Variants in RAPGEF1 observed in about 807,000 individuals in gnomAD.
RAPGEF1 encodes the protein Rap guanine nucleotide exchange factor 1.
A neutral mutation model predicts 143.3 loss-of-function variants in RAPGEF1; 33 were observed. The observed-to-expected ratio is 0.23, with a 90% CI of 0.17 to 0.31. The LOEUF is 0.31. RAPGEF1 is among the 10% of genes least tolerant of loss of function. The pLI is 1.00. For synonymous variants in RAPGEF1, 629 were observed against 676.5 expected, an observed-to-expected ratio of 0.93 and a Z score of 1.09; for missense variants, 1,199 against 1,645.4, an observed-to-expected ratio of 0.73 and a Z score of 4.69.
At chr9:131,602,242 G>A (rs1956396620) in intron 14 of RAPGEF1, 93 bp from the exon 15 acceptor site, 1 of 865,084 alleles carries the variant, frequency 1.2e-6, no homozygotes, top group South Asian at 1.6e-5. Context: ...TGGCTGTGGA[G>A]TGCAAGTTCC....
chr9:131,718,037 A>G (rs1292940036), intron 1 of RAPGEF1, among the ~76,000 whole-genome samples: 3 of 152,196 alleles, frequency 2.0e-5, no homozygotes, highest in African/African-American at 7.2e-5. Flanking sequence ...TGAGAAACTG[A>G]TTTTTAAAAG....
chr9:131,688,421 T>C (rs1833525178), intron 1 of RAPGEF1, among the ~76,000 whole-genome samples: 1 of 152,176 alleles, frequency 6.6e-6, no homozygotes, highest in Admixed American at 6.5e-5. Flanking sequence ...AACTACCCAT[T>C]AACATAAGCC....
intron 4 of RAPGEF1, among the ~76,000 whole-genome samples, chr9:131,639,437 A>AGTGTGTGTGTGTGTGTGTGTGT (rs3837234): frequency 6.0e-5 from 9 of 149,190 alleles, no homozygotes; most frequent in East Asian, 2.0e-4. Flanking sequence ...AACGCAGGTG[A>AGTGTGTGTGTGTGTGTGTGTGT]GTGTGTGTGT....
intron 3 of RAPGEF1, among the ~76,000 whole-genome samples, chr9:131,645,576 C>T (rs1969347357): frequency 6.6e-6 from 1 of 152,240 alleles, no homozygotes; most frequent in African/African-American, 2.4e-5. Flanking sequence ...GAATTAATGG[C>T]CTCTGGGTGT....
At chr9:131,632,699 C>T (rs1265000770) in intron 5 of RAPGEF1, among the ~76,000 whole-genome samples, 1 of 152,150 alleles carries the variant, frequency 6.6e-6, no homozygotes, top group Non-Finnish European at 1.5e-5. Context: ...TGGAAAGATG[C>T]TGTAATACAC....
At chr9:131,678,463 A>G (rs1832624274) in intron 1 of RAPGEF1, among the ~76,000 whole-genome samples, 1 of 152,260 alleles carries the variant, frequency 6.6e-6, no homozygotes, top group Non-Finnish European at 1.5e-5. Context: ...CAATAGTCTG[A>G]TAACTTTATA....
At chr9:131,705,272 G>A (rs1205501248) in intron 1 of RAPGEF1, among the ~76,000 whole-genome samples, 1 of 152,180 alleles carries the variant, frequency 6.6e-6, no homozygotes, top group Non-Finnish European at 1.5e-5. Context: ...GAGGGCACAT[G>A]TGCCAGGCAC....
chr9:131,735,517 T>C (rs1027590709), intron 1 of RAPGEF1, among the ~76,000 whole-genome samples: 5 of 152,316 alleles, frequency 3.3e-5, no homozygotes, highest in Non-Finnish European at 4.4e-5. Context: ...AGTTCACCAC[T>C]GAGTCCCCAG....
intron 3 of RAPGEF1, among the ~76,000 whole-genome samples, chr9:131,643,759 C>T (rs1414631229): frequency 6.6e-6 from 1 of 152,206 alleles, no homozygotes; most frequent in East Asian, 1.9e-4. Context: ...GACTAATTTG[C>T]TGATGACTTG....
At chr9:131,723,559 C>G (rs1047455990) in intron 1 of RAPGEF1, among the ~76,000 whole-genome samples, 6 of 152,254 alleles carry the variant, frequency 3.9e-5, no homozygotes, top group African/African-American at 1.4e-4. Flanking sequence ...GCTTATTTTA[C>G]TTAGCATAAT....
At chr9:131,644,813 G>C (rs566514558) in intron 3 of RAPGEF1, among the ~76,000 whole-genome samples, 42 of 151,958 alleles carry the variant, frequency 2.8e-4, no homozygotes, top group African/African-American at 9.9e-4. Flanking sequence ...AAAAAATAAA[G>C]TTTAAAAAAA....
At chr9:131,695,110 C>A (rs1266367435) in intron 1 of RAPGEF1, among the ~76,000 whole-genome samples, 1 of 152,034 alleles carries the variant, frequency 6.6e-6, no homozygotes, top group Non-Finnish European at 1.5e-5. Context: ...ATGAGGATAT[C>A]TGTAACCCAA....
intron 14 of RAPGEF1, among the ~76,000 whole-genome samples, chr9:131,603,167 G>C (rs1238573582): frequency 6.6e-6 from 1 of 152,216 alleles, no homozygotes; most frequent in Non-Finnish European, 1.5e-5. Context: ...ACCCTGCTGA[G>C]AGAACCACCT....
chr9:131,661,255 G>A (rs1974003282), intron 1 of RAPGEF1, among the ~76,000 whole-genome samples: 1 of 152,236 alleles, frequency 6.6e-6, no homozygotes, highest in South Asian at 2.1e-4. Flanking sequence ...TGGCACCGTC[G>A]CACAGTGGAA....
At chr9:131,723,965 T>C (rs538993826) in intron 1 of RAPGEF1, among the ~76,000 whole-genome samples, 29 of 152,320 alleles carry the variant, frequency 1.9e-4, no homozygotes, top group African/African-American at 6.3e-4. Context: ...GTTTTTGTTG[T>C]GGTGGCAGTG....
intron 1 of RAPGEF1, among the ~76,000 whole-genome samples, chr9:131,723,189 G>A (rs770116150): frequency 2.0e-5 from 3 of 152,022 alleles, no homozygotes; most frequent in Admixed American, 6.5e-5. Context: ...GCGAGACTCC[G>A]TCTCAAATAA....
chr9:131,646,020 C>A (rs1012699608), intron 3 of RAPGEF1, among the ~76,000 whole-genome samples: 3 of 152,094 alleles, frequency 2.0e-5, no homozygotes, highest in African/African-American at 4.8e-5. Flanking sequence ...CATATACCTG[C>A]CAGTAATAAA....
intron 1 of RAPGEF1, among the ~76,000 whole-genome samples, chr9:131,738,549 G>T (rs901012046): frequency 1.3e-5 from 2 of 152,196 alleles, no homozygotes; most frequent in African/African-American, 4.8e-5. Context: ...CAGAGGGCCA[G>T]GAATGAATAT....
At chr9:131,720,718 T>A (rs186646642) in intron 1 of RAPGEF1, among the ~76,000 whole-genome samples, 76 of 152,188 alleles carry the variant, frequency 5.0e-4, no homozygotes, top group Middle Eastern at 3.4e-3. Flanking sequence ...TTTAACCTCC[T>A]CCCACAGTAT....
Sources: allele counts gnomAD v4.1 joint callset (sites outside exome capture counted in the v4.1 genomes callset), GRCh38; gene constraint gnomAD v4.1.1; transcripts MANE v1.5; gene names NCBI Gene and HGNC (gene_info 2026-07-23, HGNC 2026-07-21).